Variants in TENM2 observed in about 807,000 individuals in gnomAD.
TENM2 encodes the protein teneurin transmembrane protein 2, also known as teneurin-2.
Under a neutral mutation model 245.2 loss-of-function variants are expected in TENM2, and 52 were observed. That is an observed-to-expected ratio of 0.21 (90% CI 0.17 to 0.27). The LOEUF is 0.27. Among genes scored for constraint, TENM2 ranks in the 10% least tolerant of loss-of-function variants. The pLI is 1.00. For synonymous variants in TENM2, 1,363 were observed against 1,438.9 expected (o/e 0.95, Z 1.19); for missense variants, 3,046 against 3,666.8 (o/e 0.83, Z 4.37).
chr5:168,020,422 G>C (rs746071157), intron 5 of TENM2, among the ~76,000 whole-genome samples: 40 of 152,142 alleles, frequency 2.6e-4, no homozygotes, highest in Non-Finnish European at 5.6e-4. Flanking sequence ...TTTTTAATTG[G>C]CCCAACATGC....
chr5:167,141,001 G>A, the TENM2 span, among the ~76,000 whole-genome samples: 3 of 152,112 alleles, frequency 2.0e-5, no homozygotes, highest in Admixed American at 2.0e-4. Flanking sequence ...TAAACCTTGC[G>A]TATTTACGTG....
At chr5:167,654,370 A>G (rs1359190016) in intron 2 of TENM2, among the ~76,000 whole-genome samples, 1 of 152,180 alleles carries the variant, frequency 6.6e-6, no homozygotes, top group Admixed American at 6.5e-5. Flanking sequence ...ACTCACTTCC[A>G]GGTGCCAAGT....
intron 2 of TENM2, among the ~76,000 whole-genome samples, chr5:167,770,903 G>T (rs969746773): frequency 2.6e-5 from 4 of 152,136 alleles, no homozygotes; most frequent in South Asian, 4.1e-4. Context: ...ATGGCTGAGA[G>T]AGGATAGTAC....
intron 27 of TENM2, among the ~76,000 whole-genome samples, chr5:168,256,427 C>T (rs1314714199): frequency 4.5e-5 from 6 of 133,796 alleles, no homozygotes; most frequent in South Asian, 2.4e-4. Flanking sequence ...AACTTGTATT[C>T]TTTTTTTTTT....
chr5:167,913,996 G>C (rs1583350580), intron 3 of TENM2, among the ~76,000 whole-genome samples: 2 of 152,352 alleles, frequency 1.3e-5, no homozygotes, highest in South Asian at 4.1e-4. Context: ...GTTAGCAGCT[G>C]TTGTTATTAT....
At chr5:167,848,451 A>C (rs114063875) in intron 2 of TENM2, among the ~76,000 whole-genome samples, 1 of 152,116 alleles carries the variant, frequency 6.6e-6, no homozygotes, top group African/African-American at 2.4e-5. Context: ...TATATATATA[A>C]AACATATTAT....
At chr5:167,171,881 A>G in the TENM2 span, among the ~76,000 whole-genome samples, 2 of 152,232 alleles carry the variant, frequency 1.3e-5, no homozygotes, top group South Asian at 2.1e-4. Flanking sequence ...GAGCAGAACA[A>G]GGTGGGGAAT....
chr5:168,244,683 C>A lies in TENM2; in HGVS notation c.5784C>A (p.Asp1928Glu). ...GCATCGTGTCCCGCATGTTCGCTGA[C>A]GGGAAAGTGTGGAGCTACTCCTACC... Residue 1928 changes from aspartate to glutamate, a missense_variant, in exon 26 of 29, where the codon GAC becomes GAA. Asp to Glu is a conservative substitution (Grantham distance 45). Transcript: ENST00000518659. This position sits in a 1 kb window ranked among gnomAD's most constrained non-coding sequence, Gnocchi z 4.9. The A allele has an allele frequency of 6.7e-7, 1 of 1,489,038 alleles. No homozygotes were observed. Among genetic ancestry groups the A allele is most frequent in the South Asian group, 1.4e-5 (1 of 72,196 alleles). 92.2% of individuals were successfully genotyped at this position (1,489,038 alleles called of 1,614,324 possible). A position where few individuals can be genotyped will look rare whatever the true frequency, so the allele number is the denominator to read the frequency against.
chr5:167,732,462 C>A (rs1305984254), intron 2 of TENM2, among the ~76,000 whole-genome samples: 2 of 152,136 alleles, frequency 1.3e-5, no homozygotes, highest in Non-Finnish European at 2.9e-5. Context: ...AAGAAAAGAA[C>A]TGGATACATT....
At chr5:167,349,674 A>ATG (rs957383898) in intron 1 of TENM2, among the ~76,000 whole-genome samples, 2 of 152,108 alleles carry the variant, frequency 1.3e-5, no homozygotes, top group Non-Finnish European at 2.9e-5. Flanking sequence ...TATGCAGTAT[A>ATG]TGTGTGTGTA....
intron 12 of TENM2, among the ~76,000 whole-genome samples, chr5:168,152,364 GCAA>G (rs1027933849): frequency 3.9e-5 from 6 of 152,144 alleles, no homozygotes; most frequent in East Asian, 1.9e-4. Flanking sequence ...TACACTAGGA[GCAA>G]CAACAACAAC....
At chr5:167,355,461 A>C (rs1759250702) in intron 1 of TENM2, among the ~76,000 whole-genome samples, 1 of 152,210 alleles carries the variant, frequency 6.6e-6, no homozygotes, top group Admixed American at 6.5e-5. Flanking sequence ...TAAGTGTTTG[A>C]AATAATAATC....
chr5:168,049,254 T>G (rs1404135005), intron 6 of TENM2, among the ~76,000 whole-genome samples: 1 of 152,202 alleles, frequency 6.6e-6, no homozygotes, highest in Non-Finnish European at 1.5e-5. Flanking sequence ...CCTTTCAAGA[T>G]GACAATAGTG....
chr5:167,300,811 T>G (rs1755265800), intron 1 of TENM2, among the ~76,000 whole-genome samples: 1 of 152,054 alleles, frequency 6.6e-6, no homozygotes, highest in African/African-American at 2.4e-5. Context: ...GAGGTGTGGC[T>G]GTAGCCCAGG....
chr5:167,725,151 C>A (rs1759903831), intron 2 of TENM2, among the ~76,000 whole-genome samples: 1 of 152,106 alleles, frequency 6.6e-6, no homozygotes, highest in African/African-American at 2.4e-5. Flanking sequence ...GAAATGGATT[C>A]TTATTAAAAT....
At position 168,204,475 on chromosome 5, in the gene TENM2, C is replaced by T. The variant is rs759837266; in HGVS notation, c.3678C>T (p.Pro1226=). 6 of 1,614,046 alleles carry T rather than the reference C, an allele frequency of 3.7e-6. 1 individual carries two copies. In the South Asian group the frequency reaches 5.5e-5, roughly 15 times the overall value. Residue 1226 remains proline (P), a synonymous_variant, in exon 19 of 29, where the codon CCC becomes CCT. Transcript: ENST00000518659. ...GTCGCCGCCGGAGCATTTCCTGTCCCAGCTGCAACGGCCTTGCTGAAGGCA... is the reference window on the plus strand; with the variant it reads ...GTCGCCGCCGGAGCATTTCCTGTCCTAGCTGCAACGGCCTTGCTGAAGGCA...
the TENM2 span, among the ~76,000 whole-genome samples, chr5:167,238,009 C>CAAAAAA: frequency 3.3e-3 from 145 of 43,924 alleles, 1 homozygote; most frequent in Non-Finnish European, 4.1e-3. Context: ...GACTCTGTCT[C>CAAAAAA]AAAAAAAAAA....
chr5:167,851,662 A>G (rs1056676032), intron 2 of TENM2, among the ~76,000 whole-genome samples: 2 of 152,174 alleles, frequency 1.3e-5, no homozygotes, highest in African/African-American at 4.8e-5. Flanking sequence ...TTTGTGGGAA[A>G]CAGCAACAGA....
chr5:167,100,351 G>T, the TENM2 span, among the ~76,000 whole-genome samples: 1 of 152,252 alleles, frequency 6.6e-6, no homozygotes, highest in Non-Finnish European at 1.5e-5. Context: ...AGGTGATGCT[G>T]GATGTCTCCT....
Sources: gnomAD v4.1 joint callset for allele counts (sites outside exome capture counted in the v4.1 genomes callset) on GRCh38, gnomAD v4.1.1 for gene constraint, Gnocchi (gnomAD v3.1) non-coding constraint, MANE v1.5 for transcripts, NCBI Gene and HGNC (gene_info 2026-07-23, HGNC 2026-07-21) for gene names.